The following JCAD variants were observed in gnomAD, a reference collection of about 807,000 sequenced individuals.
The protein encoded by JCAD is junctional cadherin 5 associated.
Under a neutral mutation model 98.0 loss-of-function variants are expected in JCAD, and 40 were observed. The ratio of observed to expected loss-of-function variants is 0.41; its 90% CI spans 0.32 to 0.53. The LOEUF is 0.53. Ranked by LOEUF, JCAD falls within the 20% of genes least tolerant of loss-of-function variation. The pLI, the probability that JCAD is intolerant of heterozygous loss-of-function variation, is 0.31. For synonymous variants in JCAD, 691 were observed against 682.3 expected (o/e 1.01, Z -0.20); for missense variants, 1,705 against 1,738.1 (o/e 0.98, Z 0.34).
intron 1 of JCAD, among the ~76,000 whole-genome samples, chr10:30,100,989 A>G (rs148536116): frequency 1.3e-5 from 2 of 152,358 alleles, no homozygotes; most frequent in East Asian, 3.9e-4. Context: ...AAGAGTTATT[A>G]TCAATAAAAA....
intron 1 of JCAD, among the ~76,000 whole-genome samples, chr10:30,106,802 G>A (rs376009116): frequency 5.9e-5 from 9 of 152,216 alleles, no homozygotes; most frequent in African/African-American, 1.2e-4. Context: ...TGCCTGGCCC[G>A]TTGTAGTTCT....
At chr10:30,103,792 C>T (rs185826123) in intron 1 of JCAD, among the ~76,000 whole-genome samples, 33 of 143,594 alleles carry the variant, frequency 2.3e-4, no homozygotes, top group Admixed American at 1.2e-3. Flanking sequence ...AGTGCAATGA[C>T]GCAATCTTGG....
rs1837661151 is a variant in JCAD, at chr10:30,059,566, C to G, written c.-144G>C. 6.8e-6 allele frequency: 1 copy of G among 147,814 alleles called. No individual in the cohort carries two copies. The highest frequency in any genetic ancestry group is 6.7e-5 in the Admixed American group (1 of 15,014). 9.2% of individuals were successfully genotyped at this position (147,814 alleles called of 1,614,324 possible). On this transcript the variant is annotated 5_prime_UTR_variant, in exon 1 of 4. Coordinates refer to ENST00000375377, the MANE Select transcript of JCAD (RefSeq NM_020848.4). This position sits in a 1 kb window ranked among gnomAD's most constrained non-coding sequence, Gnocchi z 5.0. The stretch of plus-strand genomic sequence containing the variant: ...CCAGCGCGACCCGCCCCGCCTGCAG[C>G]CGCCGAGGCCGAGCATGCCCGGAGA...
intron 1 of JCAD, among the ~76,000 whole-genome samples, chr10:30,075,101 T>C (rs1452119397): frequency 6.6e-6 from 1 of 152,210 alleles, no homozygotes; most frequent in Non-Finnish European, 1.5e-5. Flanking sequence ...GACTTGTTTT[T>C]GAAGGGTTTA....
chr10:30,084,455 A>G (rs555202947), intron 1 of JCAD, among the ~76,000 whole-genome samples: 16 of 152,200 alleles, frequency 1.1e-4, no homozygotes, highest in Non-Finnish European at 2.2e-4. Flanking sequence ...AAATTGGTAG[A>G]CTTGAGTACA....
intron 3 of JCAD, among the ~76,000 whole-genome samples, chr10:30,020,993 C>T (rs545249642): frequency 4.6e-5 from 7 of 152,318 alleles, no homozygotes; most frequent in South Asian, 2.1e-4. Flanking sequence ...ACACACCCTT[C>T]GAGACCCTTA....
At chr10:30,066,036 G>A (rs1837778605) in intron 2 of JCAD, among the ~76,000 whole-genome samples, 1 of 152,166 alleles carries the variant, frequency 6.6e-6, no homozygotes, top group Non-Finnish European at 1.5e-5. Flanking sequence ...AGCAGGGATG[G>A]AGCACAATAA....
At chr10:30,076,530 T>C (rs1052337651) in intron 1 of JCAD, among the ~76,000 whole-genome samples, 1 of 152,336 alleles carries the variant, frequency 6.6e-6, no homozygotes, top group African/African-American at 2.4e-5. Context: ...ATTTTCAGTA[T>C]CTTAATTCCC....
chr10:30,063,115 G>T (rs970002046), upstream of JCAD, among the ~76,000 whole-genome samples: 1 of 149,374 alleles, frequency 6.7e-6, no homozygotes, highest in Admixed American at 6.7e-5. Flanking sequence ...TGGGTCTCTT[G>T]CTTCCACTTA....
At chr10:30,096,957 G>A (rs1349526328) in intron 1 of JCAD, among the ~76,000 whole-genome samples, 1 of 152,190 alleles carries the variant, frequency 6.6e-6, no homozygotes, top group East Asian at 1.9e-4. Context: ...GTTACAGGAT[G>A]TATTTTTGTA....
At chr10:30,025,983 C>T in intron 3 of JCAD, 120 bp downstream of exon 3, 3 of 1,151,876 alleles carry the variant, frequency 2.6e-6, no homozygotes, top group Non-Finnish European at 3.8e-6. Context: ...AAACAATTCC[C>T]AGGGTCAACT....
chr10:30,099,066 A>C (rs1458757644), intron 1 of JCAD, among the ~76,000 whole-genome samples: 1 of 152,016 alleles, frequency 6.6e-6, no homozygotes, highest in Non-Finnish European at 1.5e-5. Flanking sequence ...TTTATCCTTC[A>C]CCCAGGATTT....
intron 3 of JCAD, among the ~76,000 whole-genome samples, chr10:30,018,829 C>T (rs1174477447): frequency 1.3e-5 from 2 of 152,058 alleles, no homozygotes; most frequent in Admixed American, 6.6e-5. Context: ...GGAAGGAGTA[C>T]AGCCATTATG....
intron 2 of JCAD, 113 bp from the exon 3 acceptor site, chr10:30,029,979 C>T: frequency 8.3e-7 from 1 of 1,199,152 alleles, no homozygotes; most frequent in Admixed American, 2.6e-5. Flanking sequence ...ACTTGGTTCC[C>T]AGCCACAGTA....
At chr10:30,066,635 G>C (rs1326136499) in intron 2 of JCAD, among the ~76,000 whole-genome samples, 1 of 152,106 alleles carries the variant, frequency 6.6e-6, no homozygotes, top group African/African-American at 2.4e-5. Context: ...TCCAGACGTG[G>C]GCACCCCTTG....
chr10:30,028,697 G>A lies in JCAD; in HGVS notation c.1451C>T (p.Ser484Leu), dbSNP rs1197204625. Residue 484 changes from serine (S) to leucine (L), a missense_variant, in exon 3 of 4, where the codon TCG (serine) becomes TTG (leucine). Physicochemically the swap from Ser to Leu is moderately radical, Grantham distance 145. Around this residue, in one of 3 missense-constraint regions of JCAD, gnomAD observed 1,278 missense variants for 1,243.1 expected, o/e 1.03. Transcript: ENST00000375377. ...CAAGACCAGGCCTCTCTCATCCCCC[G>A]ACGGGGGTATTAAGCTCTGTGGATT... is the stretch of plus-strand genomic sequence containing the variant. ...IWNPQSLIPP[S>L]GDERGLVLAD... 3.2e-5 allele frequency: 51 copies of A among 1,610,680 alleles called. No homozygotes were observed. Among genetic ancestry groups the A allele is most frequent in the African/African-American group, 1.5e-4 (11 of 74,746 alleles).
chr10:30,037,450 T>C (rs889239398), intron 2 of JCAD, among the ~76,000 whole-genome samples: 4 of 152,182 alleles, frequency 2.6e-5, no homozygotes, highest in Non-Finnish European at 5.9e-5. Flanking sequence ...CAAAGTTCAA[T>C]TTGAACAAGA....
At chr10:30,092,052 AAAAAAAAAAAAAATAT>A (rs1413156698) in intron 1 of JCAD, among the ~76,000 whole-genome samples, 60 of 25,372 alleles carry the variant, frequency 2.4e-3, no homozygotes, top group East Asian at 8.6e-3. Flanking sequence ...AAAAAAAAAA[AAAAAAAAAAAAAATAT>A]ATATATATAT....
intron 1 of JCAD, among the ~76,000 whole-genome samples, chr10:30,049,370 C>T (rs58214870): frequency 0.036 from 5,505 of 152,252 alleles, 236 homozygotes; most frequent in African/African-American, 0.086. Flanking sequence ...AAGGAAGATG[C>T]CTGCGGCATG....
Sources: allele counts gnomAD v4.1 joint callset (sites outside exome capture counted in the v4.1 genomes callset), GRCh38; gene constraint gnomAD v4.1.1; regional missense constraint gnomAD v4.1.1; non-coding constraint Gnocchi (gnomAD v3.1); transcripts MANE v1.5; gene names NCBI Gene and HGNC (gene_info 2026-07-23, HGNC 2026-07-21).